PNPLA8: variants seen among roughly 807,000 people sequenced by gnomAD.
The protein encoded by PNPLA8 is patatin like domain 8, phospholipase A2, also known as calcium-independent phospholipase A2-gamma.
PNPLA8 carries 39 observed loss-of-function variants against 76.9 expected under a neutral mutation model. The observed-to-expected ratio is 0.51, with a 90% CI of 0.39 to 0.66. PNPLA8 has a LOEUF of 0.66. Among genes scored for constraint, PNPLA8 ranks in the 30% least tolerant of loss-of-function variants. The pLI, the probability that PNPLA8 is intolerant of heterozygous loss-of-function variation, is 0.00. For missense variants in PNPLA8, 887 were observed against 918.0 expected, an observed-to-expected ratio of 0.97 and a Z score of 0.44; for synonymous variants, 301 against 307.9, an observed-to-expected ratio of 0.98 and a Z score of 0.24.
chr7:108,513,676 G>A (rs948580908), intron 4 of PNPLA8, among the ~76,000 whole-genome samples: 11 of 152,032 alleles, frequency 7.2e-5, no homozygotes, highest in African/African-American at 2.7e-4. Context: ...AAAAACTGAG[G>A]CAAAGAAAAG....
intron 7 of PNPLA8, among the ~76,000 whole-genome samples, chr7:108,492,908 A>T (rs1029996445): frequency 6.6e-6 from 1 of 152,170 alleles, no homozygotes; most frequent in African/African-American, 2.4e-5. Context: ...CATGCCATTA[A>T]ACTGAGGCTT....
upstream of PNPLA8, chr7:108,526,141 A>T (rs930495523): frequency 1.0e-6 from 1 of 962,688 alleles, no homozygotes; most frequent in Non-Finnish European, 1.2e-6. Flanking sequence ...ACACTGGCGC[A>T]GCAGCTAGGT....
upstream of PNPLA8, among the ~76,000 whole-genome samples, chr7:108,526,507 C>A (rs528132468): frequency 6.0e-4 from 91 of 152,298 alleles, 2 homozygotes; most frequent in South Asian, 7.7e-3. Flanking sequence ...GTTTGCGGGC[C>A]GCTATTCCCT....
rs781144387 is a variant in PNPLA8 at position 108,514,803 on chromosome 7, A to G, written c.689T>C (p.Phe230Ser). The G allele has an allele frequency of 2.5e-6, 4 of 1,613,418 alleles. No individual in the cohort carries two copies. In the South Asian group the frequency reaches 3.3e-5, roughly 13 times the overall value. Residue 230 changes from phenylalanine (F) to serine (S), a missense_variant, in exon 3 of 11, where the codon TTC becomes TCC. Transcript: ENST00000257694. ...KMSQQKENEHFRDKSELEDKK... is the reference protein window; with the variant it reads ...KMSQQKENEHSRDKSELEDKK... ...ATCTTCAAGTTCTGATTTGTCCCGG[A>G]AATGTTCATTTTCCTTTTGTTGAGA...
At chr7:108,528,144 G>T (rs1277997741), upstream of PNPLA8, 1 of 152,158 alleles carries the variant, frequency 6.6e-6, no homozygotes, top group South Asian at 2.1e-4. Flanking sequence ...CACTGCTCTA[G>T]TTCAGGCTTT....
At chr7:108,526,981 T>C (rs1864120417), upstream of PNPLA8, among the ~76,000 whole-genome samples, 1 of 152,258 alleles carries the variant, frequency 6.6e-6, no homozygotes, top group African/African-American at 2.4e-5. Context: ...TGCATTCCTA[T>C]ACATGCTGTT....
chr7:108,479,505 C>G (rs2154514837), intron 9 of PNPLA8, 126 bp from the exon 10 acceptor site: 1 of 657,716 alleles, frequency 1.5e-6, no homozygotes, highest in East Asian at 2.8e-5. Context: ...CTTTTATAGA[C>G]TACAGCTGCA....
chr7:108,495,565 C>T (rs548090241), intron 7 of PNPLA8, among the ~76,000 whole-genome samples: 49 of 152,064 alleles, frequency 3.2e-4, no homozygotes, highest in Middle Eastern at 3.4e-3. Context: ...ATTGTTTTCT[C>T]GATATATTTT....
Position 108,486,807 on chromosome 7 carries a change from G to A in PNPLA8, c.1878+952C>T, listed in dbSNP as rs546953160. On this transcript the variant is annotated intron_variant, in intron 9 of 10. Transcript: ENST00000257694. Reference sequence around the variant, plus strand: ...ATCTATGTATGAGTTTTTGAATGCCGTCTTAATATCTCTGTCAACAGCGTA... The same window carrying A: ...ATCTATGTATGAGTTTTTGAATGCCATCTTAATATCTCTGTCAACAGCGTA... Among the ~76,000 whole-genome samples the A allele has an allele frequency of 1.6e-4, 25 of 152,116 alleles. No homozygotes were observed. The South Asian group carries it at 2.5e-3, about 15-fold the overall frequency.
At chr7:108,516,883 T>C (rs527688063) in intron 2 of PNPLA8, among the ~76,000 whole-genome samples, 141 of 151,370 alleles carry the variant, frequency 9.3e-4, no homozygotes, top group African/African-American at 2.9e-3. Context: ...GCCTGGGTGA[T>C]AGAGCCAGGC....
chr7:108,518,781 TAAG>T (rs1242276598), intron 2 of PNPLA8, among the ~76,000 whole-genome samples: 1 of 118,740 alleles, frequency 8.4e-6, no homozygotes, highest in Non-Finnish European at 1.8e-5. Flanking sequence ...ACACATATAT[TAAG>T]AAATTAAAAA....
intron 1 of PNPLA8, 59 bp downstream of exon 1, chr7:108,525,970 G>T: frequency 5.0e-6 from 4 of 794,850 alleles, no homozygotes; most frequent in Non-Finnish European, 6.1e-6. Context: ...CCGGACAAGG[G>T]TCCAGAACGA....
intron 9 of PNPLA8, among the ~76,000 whole-genome samples, chr7:108,485,799 T>C (rs1416871152): frequency 6.6e-6 from 1 of 152,126 alleles, no homozygotes; most frequent in Non-Finnish European, 1.5e-5. Context: ...AATATTTCCT[T>C]AAGTAGGTTT....
intron 1 of PNPLA8, among the ~76,000 whole-genome samples, chr7:108,522,769 C>T (rs942845012): frequency 3.3e-5 from 5 of 152,054 alleles, no homozygotes; most frequent in Admixed American, 6.6e-5. Flanking sequence ...TCCAATATGA[C>T]GAATTTATGA....
chr7:108,495,759 C>A (rs1180583560), intron 7 of PNPLA8, among the ~76,000 whole-genome samples: 1 of 151,944 alleles, frequency 6.6e-6, no homozygotes, highest in Non-Finnish European at 1.5e-5. Context: ...CATAAAAATC[C>A]TAAATGGAAA....
intron 7 of PNPLA8, 98 bp downstream of exon 7, chr7:108,496,486 T>A: frequency 1.5e-6 from 1 of 663,108 alleles, no homozygotes. Flanking sequence ...CAAATTATAA[T>A]ATGCAAGAAT....
In PNPLA8 at chr7:108,519,154, T is replaced by C. The variant is rs186537149; in HGVS notation, c.-84+2322A>G. Reference sequence around the variant, plus strand: ...AGATGAGAAGGAAAGGAGAGAATTCTAAATAACGGTAAACAAAACAAACAC... The same window carrying C: ...AGATGAGAAGGAAAGGAGAGAATTCCAAATAACGGTAAACAAAACAAACAC... On this transcript the variant is annotated intron_variant, in intron 2 of 10. Coordinates refer to ENST00000257694, the MANE Select transcript of PNPLA8 (RefSeq NM_001256007.3). Among the ~76,000 whole-genome samples the C allele has an allele frequency of 1.6e-4, 24 of 151,234 alleles. No individual in the cohort carries two copies. The East Asian group carries it at 4.7e-3, about 29-fold the overall frequency.
At chr7:108,507,629 G>C (rs1412378456) in intron 4 of PNPLA8, among the ~76,000 whole-genome samples, 1 of 152,064 alleles carries the variant, frequency 6.6e-6, no homozygotes, top group Non-Finnish European at 1.5e-5. Context: ...CTGGGTGACA[G>C]AGACTCTGTC....
intron 5 of PNPLA8, 151 bp downstream of exon 5, chr7:108,502,340 G>A (rs1862012472): frequency 1.7e-6 from 1 of 590,778 alleles, no homozygotes; most frequent in Non-Finnish European, 2.7e-6. Context: ...CTACTTGAGA[G>A]GGTGAGGCAG....
Sources: allele counts gnomAD v4.1 joint callset (sites outside exome capture counted in the v4.1 genomes callset), GRCh38; gene constraint gnomAD v4.1.1; transcripts MANE v1.5; gene names NCBI Gene and HGNC (gene_info 2026-07-23, HGNC 2026-07-21).